Variants in CHL1 observed in about 807,000 individuals in gnomAD.
CHL1 encodes neural cell adhesion molecule L1-like protein.
A neutral mutation model predicts 141.9 loss-of-function variants in CHL1; 96 were observed. The ratio of observed to expected loss-of-function variants is 0.68; its 90% confidence interval spans 0.57 to 0.80. The LOEUF is 0.80. Ranked by LOEUF, CHL1 falls within the 30% of genes least tolerant of loss-of-function variation. The pLI, the probability that CHL1 is intolerant of heterozygous loss-of-function variation, is 0.00. For missense variants in CHL1, 1,820 were observed against 1,457.2 expected (o/e 1.25, Z -4.05); for synonymous variants, 613 against 502.2 (o/e 1.22, Z -2.95).
intron 1 of CHL1, among the ~76,000 whole-genome samples, chr3:230,533 C>T (rs7634033): frequency 0.47 from 71,235 of 151,340 alleles, 18,241 homozygotes; most frequent in Non-Finnish European, 0.57. Context: ...GATTGGGTTA[C>T]AATATTGTTA....
chr3:207,911 C>G (rs1174302848), intron 1 of CHL1, among the ~76,000 whole-genome samples: 2 of 152,122 alleles, frequency 1.3e-5, no homozygotes, highest in Non-Finnish European at 2.9e-5. Flanking sequence ...AAGCACTGAG[C>G]AATTCAGGTG....
chr3:308,639 A>G (rs963014036), intron 2 of CHL1: 1 of 149,982 alleles, frequency 6.7e-6, no homozygotes, highest in Non-Finnish European at 1.5e-5. Context: ...ATGCAATGAT[A>G]TCTATATTAT....
At chr3:348,226 C>G (rs1239146863) in intron 9 of CHL1, among the ~76,000 whole-genome samples, 1 of 152,252 alleles carries the variant, frequency 6.6e-6, no homozygotes, top group East Asian at 1.9e-4. Flanking sequence ...TCATTTATTG[C>G]TCCAGTGACC....
intron 2 of CHL1, among the ~76,000 whole-genome samples, chr3:279,315 C>A (rs2125286018): frequency 6.6e-6 from 1 of 151,990 alleles, no homozygotes; most frequent in South Asian, 2.1e-4. Flanking sequence ...TCTTATATAT[C>A]TTTTTGCAGA....
chr3:223,816 C>T (rs1019242193), intron 1 of CHL1, among the ~76,000 whole-genome samples: 5 of 152,088 alleles, frequency 3.3e-5, no homozygotes, highest in African/African-American at 1.2e-4. Context: ...ATGGGAAATG[C>T]TGATAGGTTG....
chr3:358,054 G>A (rs1703872468), intron 11 of CHL1, among the ~76,000 whole-genome samples: 2 of 152,168 alleles, frequency 1.3e-5, no homozygotes, highest in Admixed American at 6.5e-5. Context: ...GATTGTATTA[G>A]TTTTCTAACA....
chr3:205,149 C>T (rs1272703541), intron 1 of CHL1, among the ~76,000 whole-genome samples: 1 of 143,860 alleles, frequency 7.0e-6, no homozygotes, highest in Non-Finnish European at 1.5e-5. Flanking sequence ...GTTGCCCAGG[C>T]TGGAGCGCTG....
chr3:362,731 T>C (rs1704405099), intron 13 of CHL1, among the ~76,000 whole-genome samples: 1 of 152,176 alleles, frequency 6.6e-6, no homozygotes, highest in African/African-American at 2.4e-5. Context: ...GAAATGGCTC[T>C]GGGGTTGATA....
At chr3:197,916 A>G (rs1384025634) in intron 1 of CHL1, 2 of 402,786 alleles carry the variant, frequency 5.0e-6, no homozygotes, top group Admixed American at 3.1e-5. Flanking sequence ...GGGAGGCAGC[A>G]CGGAGAAAGT....
At chr3:383,548 G>A (rs930872322) in intron 18 of CHL1, among the ~76,000 whole-genome samples, 1 of 151,976 alleles carries the variant, frequency 6.6e-6, no homozygotes, top group African/African-American at 2.4e-5. Context: ...AATTTTAAAA[G>A]CAGATTCAAA....
intron 2 of CHL1, among the ~76,000 whole-genome samples, chr3:256,611 C>T (rs1424081220): frequency 6.6e-6 from 1 of 152,188 alleles, no homozygotes; most frequent in Non-Finnish European, 1.5e-5. Flanking sequence ...ACACTCAGGA[C>T]AACTGAATGC....
chr3:385,902 T>G (rs910682396), intron 19 of CHL1: 1 of 151,146 alleles, frequency 6.6e-6, no homozygotes, highest in Non-Finnish European at 1.5e-5. Flanking sequence ...ATTAATTGAC[T>G]AGAGGAAGGA....
chr3:387,667 C>A (rs1707866457), intron 19 of CHL1, among the ~76,000 whole-genome samples: 1 of 152,118 alleles, frequency 6.6e-6, no homozygotes, highest in Non-Finnish European at 1.5e-5. Context: ...AACTATCATT[C>A]CAGATTGCAG....
intron 14 of CHL1, 39 bp from the exon 15 acceptor site, chr3:365,911 C>T (rs569221764): frequency 2.2e-5 from 34 of 1,548,916 alleles, no homozygotes; most frequent in South Asian, 6.9e-5. Context: ...AAGTAAGTTA[C>T]GCTTAGTTCT....
Position 399,880 on chromosome 3 carries a change from G to C in CHL1, c.3385+732G>C, listed in dbSNP as rs1205084161. On this transcript the variant is annotated intron_variant, in intron 26 of 27. Coordinates refer to ENST00000256509, the MANE Select transcript of CHL1 (RefSeq NM_006614.4). ...CTGGCTCCACTGGTCAATTTTGTTG[G>C]TGTTAATCATTACTAGGAATGCATT... 5.3e-5 allele frequency among the ~76,000 whole-genome samples: 8 copies of C among 152,220 alleles called. No homozygotes were observed. In the South Asian group the frequency reaches 1.2e-3, roughly 24 times the overall value.
intron 5 of CHL1, among the ~76,000 whole-genome samples, chr3:333,252 A>G (rs1575091724): frequency 6.7e-6 from 1 of 150,182 alleles, no homozygotes; most frequent in Non-Finnish European, 1.5e-5. Context: ...CCATCTATAT[A>G]TTGAATAGTA....
At chr3:274,130 C>T (rs764034463) in intron 2 of CHL1, among the ~76,000 whole-genome samples, 1 of 152,174 alleles carries the variant, frequency 6.6e-6, no homozygotes, top group Non-Finnish European at 1.5e-5. Flanking sequence ...TGCATGTACT[C>T]ATTTGTCGTG....
At chr3:211,841 A>G (rs1483162360) in intron 1 of CHL1, among the ~76,000 whole-genome samples, 3 of 152,194 alleles carry the variant, frequency 2.0e-5, no homozygotes, top group Non-Finnish European at 4.4e-5. Flanking sequence ...ATGTCTATAT[A>G]TTATTTAATT....
At chr3:259,383 G>A (rs753300237) in intron 2 of CHL1, among the ~76,000 whole-genome samples, 128 of 151,804 alleles carry the variant, frequency 8.4e-4, no homozygotes, top group Non-Finnish European at 1.6e-3. Flanking sequence ...AGAGAAATAC[G>A]AACAGTTAAA....
Sources: allele counts gnomAD v4.1 joint callset (sites outside exome capture counted in the v4.1 genomes callset), GRCh38; gene constraint gnomAD v4.1.1; transcripts MANE v1.5; gene names NCBI Gene and HGNC (gene_info 2026-07-23, HGNC 2026-07-21).